Variants in TGFBR3 observed in about 807,000 individuals in gnomAD.
TGFBR3 encodes transforming growth factor beta receptor 3.
Under a neutral mutation model 87.9 loss-of-function variants are expected in TGFBR3, and 46 were observed. The ratio of observed to expected loss-of-function variants is 0.52; its 90% CI spans 0.41 to 0.67. The LOEUF (loss-of-function observed/expected upper bound fraction) is 0.67. TGFBR3 is among the 30% of genes least tolerant of loss of function. The pLI is 0.00. For missense variants in TGFBR3, 866 were observed against 1,041.9 expected (o/e 0.83, Z 2.32); for synonymous variants, 381 against 391.6 (o/e 0.97, Z 0.32).
At chr1:91,822,136 CA>C (rs1271578885) in intron 2 of TGFBR3, among the ~76,000 whole-genome samples, 1 of 151,828 alleles carries the variant, frequency 6.6e-6, no homozygotes, top group Non-Finnish European at 1.5e-5. Flanking sequence ...GGGTAAGAGG[CA>C]AAGAGGATAA....
chr1:91,849,398 C>G (rs1225761394), intron 2 of TGFBR3, among the ~76,000 whole-genome samples: 1 of 152,148 alleles, frequency 6.6e-6, no homozygotes, highest in Non-Finnish European at 1.5e-5. Context: ...TGCCTGAGCA[C>G]TGCAAGCAAA....
rs986196398 is a variant in TGFBR3 at position 91,839,033 on chromosome 1, A to G, written c.61+22438T>C. Reference sequence around the variant, plus strand: ...CACTCTGTCACCCAGGCTAGAGTGCAGTGGCATGAACATGGCTCACTGCAG... The same window carrying G: ...CACTCTGTCACCCAGGCTAGAGTGCGGTGGCATGAACATGGCTCACTGCAG... On this transcript the variant is annotated intron_variant, in intron 2 of 16. Transcript: ENST00000212355. Among the ~76,000 whole-genome samples, 3 of 152,158 alleles carry G rather than the reference A, an allele frequency of 2.0e-5. No individual in the cohort carries two copies. The South Asian group carries it at 6.2e-4, about 31-fold the overall frequency.
intron 2 of TGFBR3, among the ~76,000 whole-genome samples, chr1:91,850,802 A>T (rs1015218814): frequency 7.6e-5 from 11 of 144,662 alleles, no homozygotes; most frequent in African/African-American, 2.6e-4. Context: ...AAAAAAAAAA[A>T]AAAATGCAGA....
At chr1:91,700,212 G>A (rs745657871) in intron 14 of TGFBR3, among the ~76,000 whole-genome samples, 46 of 152,266 alleles carry the variant, frequency 3.0e-4, no homozygotes, top group Admixed American at 9.8e-4. Flanking sequence ...TACAGACCTT[G>A]ACCCTACTCT....
intron 7 of TGFBR3, among the ~76,000 whole-genome samples, chr1:91,725,967 A>G (rs1041019705): frequency 1.3e-5 from 2 of 152,256 alleles, no homozygotes; most frequent in Non-Finnish European, 2.9e-5. Context: ...AGAAAATCAC[A>G]AAGCATAAAC....
chr1:91,855,150 C>T (rs141729351), intron 2 of TGFBR3, among the ~76,000 whole-genome samples: 37 of 152,296 alleles, frequency 2.4e-4, no homozygotes, highest in African/African-American at 8.2e-4. Context: ...TGGACTCTAC[C>T]TGGAATTCCA....
intron 1 of TGFBR3, among the ~76,000 whole-genome samples, chr1:91,862,235 A>C (rs1441336142): frequency 6.6e-6 from 1 of 152,168 alleles, no homozygotes; most frequent in Non-Finnish European, 1.5e-5. Flanking sequence ...CTGAAATATA[A>C]CACCACCAGT....
At chr1:91,795,570 C>T (rs957674378) in intron 3 of TGFBR3, among the ~76,000 whole-genome samples, 10 of 152,224 alleles carry the variant, frequency 6.6e-5, no homozygotes, top group African/African-American at 2.2e-4. Context: ...CACAATTTAA[C>T]GTCAAGAATT....
intron 3 of TGFBR3, among the ~76,000 whole-genome samples, chr1:91,764,317 CAAA>C (rs200776741): frequency 1.3e-5 from 1 of 77,392 alleles, no homozygotes; most frequent in Non-Finnish European, 2.3e-5. Context: ...ACAAAAGAGA[CAAA>C]AAAAAAAAAA....
chr1:91,746,051 GA>G (rs1192470832), intron 4 of TGFBR3, among the ~76,000 whole-genome samples: 2 of 151,914 alleles, frequency 1.3e-5, no homozygotes, highest in Non-Finnish European at 2.9e-5. Flanking sequence ...AATTTTTGCT[GA>G]AATATAAAAA....
chr1:91,748,670 G>GAGTC (rs1282569697), intron 4 of TGFBR3, among the ~76,000 whole-genome samples: 1 of 152,010 alleles, frequency 6.6e-6, no homozygotes, highest in African/African-American at 2.4e-5. Flanking sequence ...TCATGCCCTC[G>GAGTC]AGTCAGCAGT....
intron 3 of TGFBR3, among the ~76,000 whole-genome samples, chr1:91,760,618 C>T (rs999721492): frequency 2.0e-5 from 3 of 152,124 alleles, no homozygotes; most frequent in African/African-American, 7.2e-5. Flanking sequence ...ATAAGCAATA[C>T]TCCAACTGTC....
chr1:91,740,447 C>T (rs571948023), intron 4 of TGFBR3, among the ~76,000 whole-genome samples: 9 of 152,080 alleles, frequency 5.9e-5, no homozygotes, highest in Non-Finnish European at 4.4e-5. Flanking sequence ...TCATTGCAAC[C>T]TCCACCTCAC....
intron 1 of TGFBR3, among the ~76,000 whole-genome samples, chr1:91,883,287 G>T (rs940451316): frequency 2.0e-5 from 3 of 152,042 alleles, no homozygotes; most frequent in Non-Finnish European, 4.4e-5. Flanking sequence ...TTACAGGTGT[G>T]AGCCACTGTG....
At chr1:91,811,263 G>A (rs138478709) in intron 2 of TGFBR3, among the ~76,000 whole-genome samples, 59 of 152,308 alleles carry the variant, frequency 3.9e-4, no homozygotes, top group Non-Finnish European at 7.8e-4. Flanking sequence ...AATGAGCCAA[G>A]ATAGTGCCAC....
intron 7 of TGFBR3, 29 bp from the exon 8 acceptor site, chr1:91,722,173 G>A (rs1212490139): frequency 6.3e-7 from 1 of 1,591,174 alleles, no homozygotes; most frequent in Admixed American, 1.7e-5. Flanking sequence ...AATCACTCAT[G>A]AGTCTAAAAT....
At chr1:91,777,806 C>G (rs1290448344) in intron 3 of TGFBR3, among the ~76,000 whole-genome samples, 1 of 152,146 alleles carries the variant, frequency 6.6e-6, no homozygotes, top group East Asian at 1.9e-4. Context: ...ACCGTGAGCT[C>G]CGAGGGCTGC....
chr1:91,709,205 C>T (rs1671896798), intron 13 of TGFBR3, among the ~76,000 whole-genome samples: 1 of 152,178 alleles, frequency 6.6e-6, no homozygotes. Context: ...GATGAGGTTA[C>T]ATCTTGACAA....
chr1:91,714,352 G>A (rs569602807), intron 12 of TGFBR3, among the ~76,000 whole-genome samples: 2 of 152,296 alleles, frequency 1.3e-5, no homozygotes, highest in East Asian at 1.9e-4. Flanking sequence ...AACTGGGTTT[G>A]TAAATTCCCC....
Sources: allele counts gnomAD v4.1 joint callset (sites outside exome capture counted in the v4.1 genomes callset), GRCh38; gene constraint gnomAD v4.1.1; transcripts MANE v1.5; gene names NCBI Gene and HGNC (gene_info 2026-07-23, HGNC 2026-07-21).